The following PRTG variants were observed in gnomAD, a reference collection of about 807,000 sequenced individuals.
The protein encoded by PRTG is immunoglobulin superfamily, DCC subclass, member 5.
A neutral mutation model predicts 122.5 loss-of-function variants in PRTG; 67 were observed. That is an observed-to-expected ratio of 0.55 (90% CI 0.45 to 0.67). PRTG has a LOEUF of 0.67. PRTG is among the 30% of genes least tolerant of loss of function. The pLI is 0.00. For synonymous variants in PRTG, 554 were observed against 501.1 expected (o/e 1.11, Z -1.41); for missense variants, 1,435 against 1,415.4 (o/e 1.01, Z -0.22).
chr15:55,742,731 G>A (rs890540825), intron 1 of PRTG, 107 bp downstream of exon 1: 2 of 1,369,366 alleles, frequency 1.5e-6, no homozygotes, highest in Non-Finnish European at 2.0e-6. Context: ...CACCACGGAG[G>A]ACCCCGCCGC....
intron 2 of PRTG, among the ~76,000 whole-genome samples, chr15:55,712,567 G>A (rs1166826074): frequency 2.0e-5 from 3 of 152,128 alleles, no homozygotes; most frequent in Non-Finnish European, 4.4e-5. Flanking sequence ...TTATAATTGT[G>A]CTGCCTCCCA....
Position 55,628,872 on chromosome 15 carries a change from G to C in PRTG, c.2756C>G (p.Thr919Ser), listed in dbSNP as rs2141718275. The change falls in exon 16 of 20, where the codon ACC becomes AGC. Residue 919 changes from threonine to serine, a missense_variant. Thr to Ser is a moderately conservative substitution (Grantham distance 58). Transcript: ENST00000389286. ...SVELAVLPKE[T>S]SESNQRPKRL... ...CTTGGGCCTCTGATTTGATTCAGAGGTTTCCTTTGGAAGTACTGCCAGCTC... is the reference window on the plus strand; with the variant it reads ...CTTGGGCCTCTGATTTGATTCAGAGCTTTCCTTTGGAAGTACTGCCAGCTC... The C allele has an allele frequency of 6.2e-7, 1 of 1,614,020 alleles. No homozygotes were observed. Among genetic ancestry groups the C allele is most frequent in the Non-Finnish European group, 8.5e-7 (1 of 1,179,932 alleles).
chr15:55,733,160 G>A (rs1169427148), intron 2 of PRTG, among the ~76,000 whole-genome samples: 1 of 152,142 alleles, frequency 6.6e-6, no homozygotes, highest in East Asian at 1.9e-4. Flanking sequence ...AGTGAGCCGA[G>A]ATTGCGCCAC....
intron 1 of PRTG, 31 bp downstream of exon 1, chr15:55,742,807 G>T: frequency 6.5e-7 from 1 of 1,540,232 alleles, no homozygotes. Flanking sequence ...GCCCCACAGC[G>T]GTAAGAGAAA....
intron 9 of PRTG, among the ~76,000 whole-genome samples, chr15:55,675,042 C>T (rs1055621047): frequency 1.3e-5 from 2 of 152,068 alleles, no homozygotes; most frequent in Non-Finnish European, 2.9e-5. Flanking sequence ...ACAAACTGAA[C>T]AAGTAATATT....
intron 11 of PRTG, among the ~76,000 whole-genome samples, chr15:55,665,437 T>A (rs981813440): frequency 1.3e-5 from 2 of 151,618 alleles, no homozygotes; most frequent in African/African-American, 4.8e-5. Context: ...AGTCTAAATC[T>A]AGAACTTCTA....
chr15:55,710,782 C>A (rs929355499), intron 2 of PRTG, among the ~76,000 whole-genome samples: 2 of 152,076 alleles, frequency 1.3e-5, no homozygotes, highest in African/African-American at 4.8e-5. Context: ...GTAAAAAATA[C>A]ACAAACTCCC....
intron 2 of PRTG, among the ~76,000 whole-genome samples, chr15:55,700,256 G>GA (rs1320824996): frequency 2.6e-5 from 4 of 152,034 alleles, no homozygotes. Flanking sequence ...ATCCATATTT[G>GA]AAAAAATTCA....
rs1331897768 is a variant in PRTG, at chr15:55,615,424, A to C, written c.*4588T>G. 6.6e-6 allele frequency: 1 copy of C among 152,134 alleles called. No individual in the cohort carries two copies. Among genetic ancestry groups the C allele is most frequent in the Non-Finnish European group, 1.5e-5 (1 of 67,996 alleles). 9.4% of individuals were successfully genotyped at this position (152,134 alleles called of 1,614,324 possible). ...AACGGCTTAAAAAGGGAAATTGAGA[A>C]GATTAAAGCCTGAAACATACACATT... On this transcript the variant is annotated 3_prime_UTR_variant, in exon 20 of 20. Transcript: ENST00000389286.
chr15:55,690,050 T>C lies in PRTG; in HGVS notation c.398-6119A>G, dbSNP rs563362518. Among the ~76,000 whole-genome samples, 9 of 152,312 alleles carry C rather than the reference T, an allele frequency of 5.9e-5. No homozygotes were observed. In the South Asian group the frequency reaches 1.9e-3, roughly 32 times the overall value. On this transcript the variant is annotated intron_variant, in intron 2 of 19. Coordinates refer to ENST00000389286, the MANE Select transcript of PRTG (RefSeq NM_173814.6). ...TTATATGAAAACAATATCTCTGCTA[T>C]TAAAGATATACAGTATAACTGACAC...
At chr15:55,634,899 G>A (rs80267013) in intron 15 of PRTG, among the ~76,000 whole-genome samples, 14,040 of 151,734 alleles carry the variant, frequency 0.093, 1,053 homozygotes, top group East Asian at 0.4. Context: ...AATTACACCC[G>A]CATCGATTCA....
intron 2 of PRTG, among the ~76,000 whole-genome samples, chr15:55,693,031 G>A (rs1373426931): frequency 2.0e-5 from 3 of 150,760 alleles, no homozygotes; most frequent in Non-Finnish European, 4.4e-5. Flanking sequence ...TGTATTTTCA[G>A]TAGAGACGGG....
intron 2 of PRTG, among the ~76,000 whole-genome samples, chr15:55,731,677 C>A (rs2031239228): frequency 6.6e-6 from 1 of 152,118 alleles, no homozygotes; most frequent in African/African-American, 2.4e-5. Context: ...CCACACCTTA[C>A]CATTCTTAAT....
intron 2 of PRTG, among the ~76,000 whole-genome samples, chr15:55,687,731 C>G (rs2059578120): frequency 6.6e-6 from 1 of 152,130 alleles, no homozygotes; most frequent in Non-Finnish European, 1.5e-5. Flanking sequence ...TTTTTTAATC[C>G]TCACAAACAC....
At chr15:55,676,528 T>C (rs1224495639) in intron 8 of PRTG, among the ~76,000 whole-genome samples, 1 of 152,198 alleles carries the variant, frequency 6.6e-6, no homozygotes, top group Non-Finnish European at 1.5e-5. Context: ...AATTCCAGTA[T>C]TAAGTTTTCC....
chr15:55,666,653 T>C (rs2059440903), intron 11 of PRTG, among the ~76,000 whole-genome samples: 1 of 152,198 alleles, frequency 6.6e-6, no homozygotes, highest in African/African-American at 2.4e-5. Flanking sequence ...TCATGGTAAA[T>C]TACTTGAAAA....
At chr15:55,620,525 A>G (rs1199845787) in intron 19 of PRTG, 138 bp downstream of exon 19, 12 of 1,337,980 alleles carry the variant, frequency 9.0e-6, no homozygotes, top group Non-Finnish European at 9.9e-6. Flanking sequence ...CCACAGAGCC[A>G]TGCCCCAAAT....
At chr15:55,657,379 T>G (rs2059386137) in intron 11 of PRTG, among the ~76,000 whole-genome samples, 1 of 152,138 alleles carries the variant, frequency 6.6e-6, no homozygotes, top group South Asian at 2.1e-4. Context: ...TCATCATACT[T>G]GGCCATTCAG....
chr15:55,730,395 C>A (rs1405017099), intron 2 of PRTG, among the ~76,000 whole-genome samples: 1 of 152,076 alleles, frequency 6.6e-6, no homozygotes, highest in Non-Finnish European at 1.5e-5. Flanking sequence ...TGCCACAGCA[C>A]CTGGCCGTTA....
Sources: allele counts gnomAD v4.1 joint callset (sites outside exome capture counted in the v4.1 genomes callset), GRCh38; gene constraint gnomAD v4.1.1; transcripts MANE v1.5; gene names NCBI Gene and HGNC (gene_info 2026-07-23, HGNC 2026-07-21).